The following AK1 variants were observed in gnomAD, a reference collection of about 807,000 sequenced individuals.
AK1 encodes the protein adenylate kinase isoenzyme 1.
In AK1, 13 loss-of-function variants were observed where a neutral mutation model predicts 23.9. The observed-to-expected ratio is 0.54, with a 90% CI of 0.35 to 0.86. AK1 has a LOEUF of 0.86. AK1 is among the 40% of genes least tolerant of loss of function. The pLI, the probability that AK1 is intolerant of heterozygous loss-of-function variation, is 0.01. For missense variants in AK1, 214 were observed against 255.1 expected, an observed-to-expected ratio of 0.84 and a Z score of 1.10; for synonymous variants, 97 against 102.8, an observed-to-expected ratio of 0.94 and a Z score of 0.34.
At chr9:127,878,449 C>A (rs1829586548), upstream of AK1, 1 of 152,226 alleles carries the variant, frequency 6.6e-6, no homozygotes, top group Admixed American at 6.5e-5. Context: ...GAACGGGAGG[C>A]GAGCATGTCA....
In AK1 at chr9:127,868,137, G is replaced by A. The variant is rs1449050034; in HGVS notation, c.517-61C>T. 3 of 1,585,680 alleles carry A rather than the reference G, an allele frequency of 1.9e-6. No homozygotes were observed. In the East Asian group the frequency reaches 6.7e-5, roughly 35 times the overall value. On this transcript the variant is annotated intron_variant, in intron 6 of 6. Transcript: ENST00000644144. This position sits in a 1 kb window ranked among gnomAD's most constrained non-coding sequence, Gnocchi z 4.1. ...GGTGGAGTGGGGTGGGCCTCACCAT[G>A]GCAGGCCCCAGAGACCAGGCCTGCC...
At position 127,868,135 on chromosome 9, in the gene AK1, A is replaced by G. The variant is rs1829290337; in HGVS notation, c.517-59T>C. ...CAGGTGGAGTGGGGTGGGCCTCACC[A>G]TGGCAGGCCCCAGAGACCAGGCCTG... On this transcript the variant is annotated intron_variant, in intron 6 of 6. Transcript: ENST00000644144. This position sits in a 1 kb window ranked among gnomAD's most constrained non-coding sequence, Gnocchi z 4.1. 5 of 1,581,404 alleles carry G rather than the reference A, an allele frequency of 3.2e-6. No homozygotes were observed. The highest frequency in any genetic ancestry group is 1.1e-5 in the South Asian group (1 of 90,314).
Position 127,868,482 on chromosome 9 carries a change from C to G in AK1, c.355G>C (p.Asp119His). 1.3e-6 allele frequency: 2 copies of G among 1,598,256 alleles called. No homozygotes were observed. Among genetic ancestry groups the G allele is most frequent in the Non-Finnish European group, 1.7e-6 (2 of 1,172,058 alleles). The change falls in exon 6 of 7, where the codon GAC (aspartate) becomes CAC (histidine). Residue 119 changes from aspartate (D) to histidine (H), a missense_variant. Coordinates refer to ENST00000644144, the MANE Select transcript of AK1 (RefSeq NM_000476.3). The surrounding 1 kb of genome is among the most constrained non-coding windows in gnomAD (Gnocchi z 4.1). ...IGQPTLLLYV[D>H]AGPETMTQRL... The stretch of plus-strand genomic sequence containing the variant: ...TGGGTCATGGTCTCAGGGCCTGCGT[C>G]CACATACAGCAGCAGTGTGGGCTGT...
At position 127,877,197 on chromosome 9, in the gene AK1, G is replaced by A. The variant is rs917154628; in HGVS notation, c.-33+426C>T. On this transcript the variant is annotated intron_variant, in intron 1 of 6. Transcript: ENST00000644144. This position sits in a 1 kb window ranked among gnomAD's most constrained non-coding sequence, Gnocchi z 5.2. ...GTGTTCTCCAATGCACCCAGCACTA[G>A]AAGTGGAGTGACACGATAGCCCTAC... is the stretch of plus-strand genomic sequence containing the variant. 1.3e-5 allele frequency among the ~76,000 whole-genome samples: 2 copies of A among 152,158 alleles called. No homozygotes were observed. The highest frequency in any genetic ancestry group is 1.3e-4 in the Admixed American group (2 of 15,278).
rs553861986 is a variant in AK1, at chr9:127,871,004, C to A, written c.324+819G>T. ...ATGTGTGTGCACAGGGCCATGTGTG[C>A]GAGCACGTGTGCATTCCTGCATATG... On this transcript the variant is annotated intron_variant, in intron 5 of 6. Coordinates refer to ENST00000644144, the MANE Select transcript of AK1 (RefSeq NM_000476.3). The surrounding 1 kb of genome is among the most constrained non-coding windows in gnomAD (Gnocchi z 4.4). 1.3e-5 allele frequency among the ~76,000 whole-genome samples: 2 copies of A among 151,786 alleles called. No homozygotes were observed. Among genetic ancestry groups the A allele is most frequent in the Non-Finnish European group, 2.9e-5 (2 of 68,028 alleles).
chr9:127,872,011 C>A, intron 4 of AK1, 72 bp from the exon 5 acceptor site: 1 of 1,299,650 alleles, frequency 7.7e-7, no homozygotes, highest in Non-Finnish European at 1.1e-6. Context: ...TCTGCTCACG[C>A]TGCTCCTGCC....
At position 127,867,915 on chromosome 9, in the gene AK1, G is replaced by A. The variant is rs1829282633; in HGVS notation, c.*93C>T. On this transcript the variant is annotated 3_prime_UTR_variant, in exon 7 of 7. Transcript: ENST00000644144. ...GGCTTCCTCCGTCTGTGCTCAGCAG[G>A]GCAGGGTGGAGGCGCTGCGCTCAGG... The A allele has an allele frequency of 1.6e-6, 2 of 1,236,998 alleles. No homozygotes were observed. The highest frequency in any genetic ancestry group is 3.0e-5 in the African/African-American group (2 of 67,478). 76.6% of individuals were successfully genotyped at this position (1,236,998 alleles called of 1,614,324 possible).
At position 127,871,691 on chromosome 9, in the gene AK1, C is replaced by T; in HGVS notation, c.324+132G>A. On this transcript the variant is annotated intron_variant, in intron 5 of 6. Transcript: ENST00000644144. The surrounding 1 kb of genome is among the most constrained non-coding windows in gnomAD (Gnocchi z 4.4). ...AGAAAGTCTTCCTGGTTTTCCTCCT[C>T]ACCCACACTCCATGAATCAGCCTCT... The T allele has an allele frequency of 1.3e-6, 1 of 782,910 alleles. No individual in the cohort carries two copies. Among genetic ancestry groups the T allele is most frequent in the Non-Finnish European group, 2.3e-6 (1 of 443,452 alleles). 48.5% of individuals were successfully genotyped at this position (782,910 alleles called of 1,614,324 possible).
chr9:127,869,935 TG>T (rs1829348458), intron 5 of AK1, among the ~76,000 whole-genome samples: 1 of 152,218 alleles, frequency 6.6e-6, no homozygotes, highest in Non-Finnish European at 1.5e-5. Context: ...ATTCTGGCTG[TG>T]GGGCCTCAGT....
chr9:127,868,659 C>G lies in AK1; in HGVS notation c.325-147G>C. 1 of 902,602 alleles carries G rather than the reference C, an allele frequency of 1.1e-6. No individual in the cohort carries two copies. The highest frequency in any genetic ancestry group is 1.7e-6 in the Non-Finnish European group (1 of 584,834). The allele number at this position is 902,602 out of a possible 1,614,324, so 55.9% of individuals were successfully genotyped here. On this transcript the variant is annotated intron_variant, in intron 5 of 6. Coordinates refer to ENST00000644144, the MANE Select transcript of AK1 (RefSeq NM_000476.3). The surrounding 1 kb of genome is among the most constrained non-coding windows in gnomAD (Gnocchi z 4.1). The stretch of plus-strand genomic sequence containing the variant: ...GCAGCCTGAAAGACCTTCCTAAAAC[C>G]AATCTTTCCTGCCACTCCCCTGCTC...
intron 2 of AK1, chr9:127,873,516 C>A (rs1479267614): frequency 1.4e-6 from 2 of 1,443,924 alleles, no homozygotes; most frequent in East Asian, 5.0e-5. Context: ...CGGCCCATCA[C>A]CCGCCTCCCC....
intron 5 of AK1, among the ~76,000 whole-genome samples, chr9:127,870,096 A>G (rs1417514769): frequency 6.6e-6 from 1 of 152,130 alleles, no homozygotes; most frequent in East Asian, 1.9e-4. Context: ...GTCCAGAGCC[A>G]AGAAGACCAG....
At chr9:127,872,344 G>A (rs376684222) in intron 4 of AK1, among the ~76,000 whole-genome samples, 65 of 152,192 alleles carry the variant, frequency 4.3e-4, no homozygotes, top group African/African-American at 6.5e-4. Flanking sequence ...TAGAAAATTG[G>A]GGGGGGAGGT....
At chr9:127,877,846 CA>C (rs1829577821), upstream of AK1, 1 of 152,268 alleles carries the variant, frequency 6.6e-6, no homozygotes, top group Non-Finnish European at 1.5e-5. The surrounding 1 kb of genome is among the most constrained non-coding windows in gnomAD (Gnocchi z 5.2). Context: ...CCGCACCCGG[CA>C]CCGTGTGCCC....
chr9:127,875,656 C>G (rs1219994215), intron 1 of AK1, among the ~76,000 whole-genome samples: 1 of 152,066 alleles, frequency 6.6e-6, no homozygotes, highest in Admixed American at 6.5e-5. Flanking sequence ...CCCAGACATC[C>G]ATGCCCCCGA....
chr9:127,873,331 C>T (rs374335829), intron 2 of AK1: 27 of 1,541,008 alleles, frequency 1.8e-5, no homozygotes, highest in South Asian at 1.1e-4. Context: ...ACACAGCCAG[C>T]GGGCTGGGCC....
In AK1 at chr9:127,874,382, G is replaced by A. The variant is rs564380059; in HGVS notation, c.7+229C>T. ...AAACCCAGCATAGGGGGTGTGCGCT[G>A]GGGCCCTCAGGAGCCTTGGGGAGGC... On this transcript the variant is annotated intron_variant, in intron 2 of 6. Transcript: ENST00000644144. 17 of 985,354 alleles carry A rather than the reference G, an allele frequency of 1.7e-5. No individual in the cohort carries two copies. In the African/African-American group the frequency reaches 2.8e-4, roughly 16 times the overall value. 61.0% of individuals were successfully genotyped at this position (985,354 alleles called of 1,614,324 possible).
In AK1 at chr9:127,871,531, C is replaced by T. The variant is rs533165556; in HGVS notation, c.324+292G>A. On this transcript the variant is annotated intron_variant, in intron 5 of 6. Transcript: ENST00000644144. The surrounding 1 kb of genome is among the most constrained non-coding windows in gnomAD (Gnocchi z 4.4). ...TGGTCCTCCCACTCCCTGCATTTTG[C>T]AGATGGGAAAACTGAGGTTCAGGAG... Among the ~76,000 whole-genome samples the T allele has an allele frequency of 5.3e-5, 8 of 151,596 alleles. No individual in the cohort carries two copies. In the South Asian group the frequency reaches 1.4e-3, roughly 27 times the overall value.
intron 2 of AK1, chr9:127,873,515 A>T (rs970492616): frequency 6.9e-7 from 1 of 1,441,570 alleles, no homozygotes; most frequent in African/African-American, 1.4e-5. Context: ...CCGGCCCATC[A>T]CCCGCCTCCC....
Sources: allele counts gnomAD v4.1 joint callset (sites outside exome capture counted in the v4.1 genomes callset), GRCh38; gene constraint gnomAD v4.1.1; non-coding constraint Gnocchi (gnomAD v3.1); transcripts MANE v1.5; gene names NCBI Gene and HGNC (gene_info 2026-07-23, HGNC 2026-07-21).